FAM136A: variants seen among roughly 807,000 people sequenced by gnomAD.
FAM136A encodes TIM double twin CX3C motif protein.
In FAM136A, 25 loss-of-function variants were observed where a neutral mutation model predicts 21.6. That is an observed-to-expected ratio of 1.16 (90% CI 0.84 to 1.62). The LOEUF (loss-of-function observed/expected upper bound fraction) is 1.62, where lower values mean the gene tolerates loss of function less well. Ranked by LOEUF, FAM136A falls within the 40% of genes most tolerant of loss-of-function variation. The pLI, the probability that FAM136A is intolerant of heterozygous loss-of-function variation, is 0.00. For missense variants in FAM136A, 338 were observed against 332.0 expected (o/e 1.02, Z -0.14); for synonymous variants, 119 against 129.4 (o/e 0.92, Z 0.55).
intron 1 of FAM136A, chr2:70,301,301 C>A: frequency 3.0e-6 from 4 of 1,347,232 alleles, no homozygotes; most frequent in Non-Finnish European, 3.9e-6. Flanking sequence ...AACCAGGAGC[C>A]TCTTCCATGG....
At chr2:70,297,919 G>A (rs950087658) in intron 2 of FAM136A, among the ~76,000 whole-genome samples, 1 of 151,868 alleles carries the variant, frequency 6.6e-6, no homozygotes, top group African/African-American at 2.4e-5. Flanking sequence ...GGGATTAGAG[G>A]TGTGAGCCAC....
At chr2:70,301,199 G>C in intron 1 of FAM136A, 4 of 770,944 alleles carry the variant, frequency 5.2e-6, no homozygotes, top group Non-Finnish European at 8.1e-6. Flanking sequence ...CTTGCTGCTA[G>C]CTCATCGGCA....
In FAM136A at chr2:70,300,200, G is replaced by A. The variant is rs865816702; in HGVS notation, c.549+640C>T. Among the ~76,000 whole-genome samples, 5 of 151,988 alleles carry A rather than the reference G, an allele frequency of 3.3e-5. No individual in the cohort carries two copies. The South Asian group carries it at 1.0e-3, about 32-fold the overall frequency. On this transcript the variant is annotated intron_variant, in intron 2 of 2. Transcript: ENST00000430566. ...CAGGCGCGAGCTACGCGTCCAGCCA[G>A]GAAACTTTATACTACACAGTATACA...
intron 2 of FAM136A, among the ~76,000 whole-genome samples, chr2:70,300,152 G>C (rs1209217359): frequency 6.6e-6 from 1 of 151,548 alleles, no homozygotes; most frequent in Non-Finnish European, 1.5e-5. Context: ...CACCCGCCTC[G>C]GCCTCCCAAA....
chr2:70,299,298 T>C, intron 2 of FAM136A, among the ~76,000 whole-genome samples: 1 of 152,176 alleles, frequency 6.6e-6, no homozygotes, highest in East Asian at 1.9e-4. Flanking sequence ...AAAATGAAGT[T>C]GTGGATACTC....
intron 1 of FAM136A, 35 bp downstream of exon 1, chr2:70,301,569 T>G (rs1404357321): frequency 6.5e-7 from 1 of 1,535,834 alleles, no homozygotes; most frequent in Non-Finnish European, 8.7e-7. Context: ...GTCTTTCACG[T>G]TGGCAGCGCC....
Position 70,301,601 on chromosome 2 carries a change from C to G in FAM136A, c.408+3G>C. The G allele has an allele frequency of 1.3e-6, 2 of 1,536,004 alleles. No homozygotes were observed. Among genetic ancestry groups the G allele is most frequent in the Non-Finnish European group, 1.7e-6 (2 of 1,146,802 alleles). ...CGCCTCTGCTGGGCCTCGGGCCGCT[C>G]ACCTGCGGAAGGGGCCGCGTAAGAG... On this transcript the variant is annotated splice_donor_region_variant and intron_variant, in intron 1 of 2. Coordinates refer to ENST00000430566, the MANE Select transcript of FAM136A (RefSeq NM_001329752.2).
Position 70,300,898 on chromosome 2 carries a change from CA to C in FAM136A, c.490del (p.Cys164AlafsTer38). On this transcript the variant is annotated frameshift_variant, in exon 2 of 3. Coordinates refer to ENST00000430566, the MANE Select transcript of FAM136A (RefSeq NM_001329752.2). LOFTEE classifies it high-confidence loss of function. ...MKQVHQCIER[C>X]HVPLAQAQAL... Reference sequence around the variant, plus strand: ...CTGGGCTTGAGCCAGAGGCACATGGCAGCGCTCGATGCACTGGTGCACCTGC... The same window carrying C: ...CTGGGCTTGAGCCAGAGGCACATGGCGCGCTCGATGCACTGGTGCACCTGC... 1 of 1,613,792 alleles carries C rather than the reference CA, an allele frequency of 6.2e-7. No homozygotes were observed. Among genetic ancestry groups the C allele is most frequent in the South Asian group, 1.1e-5 (1 of 91,088 alleles).
At chr2:70,300,458 C>G in intron 2 of FAM136A, 1 of 155,862 alleles carries the variant, frequency 6.4e-6, no homozygotes, top group Middle Eastern at 3.2e-3. Context: ...TCCCTAGTAT[C>G]TGGGACTACA....
intron 2 of FAM136A, among the ~76,000 whole-genome samples, chr2:70,298,907 T>C (rs1318023201): frequency 1.3e-5 from 2 of 152,198 alleles, no homozygotes; most frequent in African/African-American, 4.8e-5. Flanking sequence ...GACTGAGAAA[T>C]GACCCCCGGA....
chr2:70,300,069 T>C (rs530703063), intron 2 of FAM136A, among the ~76,000 whole-genome samples: 1 of 151,574 alleles, frequency 6.6e-6, no homozygotes, highest in South Asian at 2.1e-4. Flanking sequence ...GCCCAGATAA[T>C]TTCTGTATTT....
In FAM136A at chr2:70,302,004, T is replaced by C; in HGVS notation, c.8A>G (p.Glu3Gly). Residue 3 changes from glutamate (E) to glycine (G), a missense_variant, in exon 1 of 3, where the codon GAG becomes GGG. Physicochemically the swap from Glu to Gly is moderately conservative, Grantham distance 98 (BLOSUM62 -2). Transcript: ENST00000430566. ...CTCCTGCACCCGGAGCTGCTGCAGC[T>C]CAGCCATGGCGACCCCGCGCTGCCC... MAELQQLRVQEAV... is the reference protein window; with the variant it reads MAGLQQLRVQEAV... 1 of 1,598,916 alleles carries C rather than the reference T, an allele frequency of 6.3e-7. No individual in the cohort carries two copies. Among genetic ancestry groups the C allele is most frequent in the Non-Finnish European group, 8.5e-7 (1 of 1,174,582 alleles).
intron 2 of FAM136A, among the ~76,000 whole-genome samples, chr2:70,298,930 G>T (rs1454270239): frequency 6.6e-6 from 1 of 152,226 alleles, no homozygotes; most frequent in Admixed American, 6.5e-5. Flanking sequence ...CGGCCCCATG[G>T]GGGTGAGTGG....
chr2:70,302,064 G>A lies in FAM136A; in HGVS notation c.-53C>T, dbSNP rs1697428585. ...CCGCGCCGGCGCCCATATGGAATCG[G>A]CGTACGGGCCCGCCCCCTCACCGCC... is the stretch of plus-strand genomic sequence containing the variant. On this transcript the variant is annotated 5_prime_UTR_variant, in exon 1 of 3. Transcript: ENST00000430566. The A allele has an allele frequency of 6.6e-7, 1 of 1,513,014 alleles. No individual in the cohort carries two copies. The allele number at this position is 1,513,014 out of a possible 1,614,324, so 93.7% of individuals were successfully genotyped here. A position where few individuals can be genotyped will look rare whatever the true frequency, so the allele number is the denominator to read the frequency against.
chr2:70,302,021 G>C lies in FAM136A; in HGVS notation c.-10C>G. 1 of 1,578,418 alleles carries C rather than the reference G, an allele frequency of 6.3e-7. No individual in the cohort carries two copies. Among genetic ancestry groups the C allele is most frequent in the Non-Finnish European group, 8.6e-7 (1 of 1,165,694 alleles). ...GCTGCAGCTCAGCCATGGCGACCCC[G>C]CGCTGCCCCGCGGCGCTCCGCGCCG... On this transcript the variant is annotated 5_prime_UTR_variant, in exon 1 of 3. Coordinates refer to ENST00000430566, the MANE Select transcript of FAM136A (RefSeq NM_001329752.2).
At chr2:70,300,780 G>C (rs777244897) in intron 2 of FAM136A, 60 bp downstream of exon 2, 29 of 1,494,466 alleles carry the variant, frequency 1.9e-5, no homozygotes, top group Non-Finnish European at 2.4e-5. Flanking sequence ...ACAAATGCTT[G>C]TCATCTCCTG....
intron 2 of FAM136A, 170 bp downstream of exon 2, chr2:70,300,670 C>T (rs771553861): frequency 2.5e-5 from 18 of 717,668 alleles, no homozygotes; most frequent in East Asian, 5.3e-5. Context: ...GGCACTCGAC[C>T]GCCAAGACTT....
In FAM136A at chr2:70,301,848, G is replaced by GT; in HGVS notation, c.163dup (p.Thr55AsnfsTer35). ...CGGGGACGCGGCTGCAGTGCAAGGC[G>GT]TCGCGTGGTGGCTGAGGGAAGGGCC... On this transcript the variant is annotated frameshift_variant, in exon 1 of 3. Transcript: ENST00000430566. LOFTEE classifies it high-confidence loss of function. The GT allele has an allele frequency of 6.4e-7, 1 of 1,552,100 alleles. No individual in the cohort carries two copies. Among genetic ancestry groups the GT allele is most frequent in the Non-Finnish European group, 8.7e-7 (1 of 1,147,532 alleles).
intron 2 of FAM136A, among the ~76,000 whole-genome samples, chr2:70,299,998 T>A (rs955928831): frequency 6.6e-6 from 1 of 151,896 alleles, no homozygotes; most frequent in African/African-American, 2.4e-5. Flanking sequence ...GCCTTCCAGT[T>A]TCAAGCGATT....
Sources: allele counts gnomAD v4.1 joint callset (sites outside exome capture counted in the v4.1 genomes callset), GRCh38; gene constraint gnomAD v4.1.1; transcripts MANE v1.5; gene names NCBI Gene and HGNC (gene_info 2026-07-23, HGNC 2026-07-21).